Variants in NTF3 observed in about 807,000 individuals in gnomAD.
The protein encoded by NTF3 is neurotrophin 3, also known as neurotrophin-3.
A neutral mutation model predicts 26.3 loss-of-function variants in NTF3; 8 were observed. That is an observed-to-expected ratio of 0.30 (90% CI 0.18 to 0.55). The LOEUF is 0.55. NTF3 is among the 20% of genes least tolerant of loss of function. NTF3 has a pLI of 0.93. For synonymous variants in NTF3, 154 were observed against 145.5 expected, an observed-to-expected ratio of 1.06 and a Z score of -0.42; for missense variants, 276 against 352.9, an observed-to-expected ratio of 0.78 and a Z score of 1.75.
intron 1 of NTF3, among the ~76,000 whole-genome samples, chr12:5,466,635 T>C (rs1176354894): frequency 1.3e-5 from 2 of 152,320 alleles, no homozygotes; most frequent in South Asian, 4.1e-4. Context: ...TCAAATGTGG[T>C]AAAGAAATAT....
chr12:5,450,707 C>T (rs1337960667), intron 1 of NTF3, among the ~76,000 whole-genome samples: 1 of 152,214 alleles, frequency 6.6e-6, no homozygotes, highest in East Asian at 1.9e-4. Context: ...TTTATTATCT[C>T]ATTTTTGCAG....
upstream of NTF3, chr12:5,432,005 G>A (rs148590960): frequency 0.082 from 12,425 of 151,312 alleles, 715 homozygotes; most frequent in Non-Finnish European, 0.11. Context: ...CGCGGCGCGG[G>A]CCGGCGGGGG....
chr12:5,455,668 G>T (rs1018976454), intron 1 of NTF3, among the ~76,000 whole-genome samples: 3 of 151,958 alleles, frequency 2.0e-5, no homozygotes, highest in South Asian at 2.1e-4. Context: ...GAGAGACAAA[G>T]TTCTATTCCC....
At chr12:5,445,296 GTGTA>G (rs56038524) in intron 1 of NTF3, among the ~76,000 whole-genome samples, 22,332 of 63,570 alleles carry the variant, frequency 0.35, 1,881 homozygotes, top group Middle Eastern at 0.52. Context: ...TGATGTGTGT[GTGTA>G]TGTGTGTGTG....
chr12:5,480,750 C>T (rs1412195565), intron 1 of NTF3, among the ~76,000 whole-genome samples: 1 of 128,112 alleles, frequency 7.8e-6, no homozygotes, highest in Non-Finnish European at 1.6e-5. Flanking sequence ...GAGTGACCGA[C>T]ATATGGAACG....
At position 5,480,336 on chromosome 12, in the gene NTF3, G is replaced by C. The variant is rs570873327; in HGVS notation, c.19-13858G>C. 1.5e-4 allele frequency among the ~76,000 whole-genome samples: 23 copies of C among 152,314 alleles called. 1 individual carries two copies. In the South Asian group the frequency reaches 4.6e-3, roughly 30 times the overall value. ...CCCACCGGCCTTTATTTACCACAGTGGGTAGCCTCGGGAGGAGGGGGAGCT... is the reference window on the plus strand; with the variant it reads ...CCCACCGGCCTTTATTTACCACAGTCGGTAGCCTCGGGAGGAGGGGGAGCT... On this transcript the variant is annotated intron_variant, in intron 1 of 1. Coordinates refer to ENST00000423158, the MANE Select transcript of NTF3 (RefSeq NM_001102654.2).
At chr12:5,452,102 T>C (rs1456165419) in intron 1 of NTF3, among the ~76,000 whole-genome samples, 8 of 150,324 alleles carry the variant, frequency 5.3e-5, no homozygotes, top group Non-Finnish European at 8.9e-5. Context: ...TTTTCTTTTT[T>C]TTTTTTTTTT....
intron 1 of NTF3, among the ~76,000 whole-genome samples, chr12:5,467,266 CG>C (rs1467507080): frequency 1.2e-5 from 1 of 84,606 alleles, no homozygotes; most frequent in African/African-American, 4.9e-5. Flanking sequence ...AAAAAAAAGT[CG>C]GGGGCTTGCC....
At chr12:5,483,459 A>G (rs1413661570) in intron 1 of NTF3, among the ~76,000 whole-genome samples, 1 of 152,158 alleles carries the variant, frequency 6.6e-6, no homozygotes, top group African/African-American at 2.4e-5. Flanking sequence ...CAGGTACTGA[A>G]TGAGGCCCTT....
At chr12:5,472,309 G>A (rs1366567738) in intron 1 of NTF3, among the ~76,000 whole-genome samples, 1 of 152,150 alleles carries the variant, frequency 6.6e-6, no homozygotes, top group Admixed American at 6.5e-5. Flanking sequence ...AGAAATCATA[G>A]AATGGCAGGC....
In NTF3 at chr12:5,435,611, C is replaced by G. The variant is rs115224322; in HGVS notation, c.18+3269C>G. ...GTGGGCTGGGAATTGGAGGGTGCTGCACTTCAGGTCAGAATGCAGGTCCAG... is the reference window on the plus strand; with the variant it reads ...GTGGGCTGGGAATTGGAGGGTGCTGGACTTCAGGTCAGAATGCAGGTCCAG... On this transcript the variant is annotated intron_variant, in intron 1 of 1. Coordinates refer to ENST00000423158, the MANE Select transcript of NTF3 (RefSeq NM_001102654.2). Among the ~76,000 whole-genome samples, 374 of 152,222 alleles carry G rather than the reference C, an allele frequency of 2.5e-3. 2 individuals are homozygous for G. Among genetic ancestry groups the G allele is most frequent in the African/African-American group, 8.6e-3 (356 of 41,538 alleles).
intron 1 of NTF3, among the ~76,000 whole-genome samples, chr12:5,471,764 C>T (rs986143544): frequency 6.6e-6 from 1 of 152,008 alleles, no homozygotes; most frequent in Non-Finnish European, 1.5e-5. Flanking sequence ...GGACAGATCT[C>T]CTCGTGCATA....
chr12:5,461,945 G>A (rs1273278658), intron 1 of NTF3, among the ~76,000 whole-genome samples: 1 of 152,208 alleles, frequency 6.6e-6, no homozygotes, highest in Non-Finnish European at 1.5e-5. Flanking sequence ...AATGTCCAAG[G>A]GTTATGTGTA....
chr12:5,449,946 GTT>G (rs1230240218), intron 1 of NTF3, among the ~76,000 whole-genome samples: 1 of 152,196 alleles, frequency 6.6e-6, no homozygotes, highest in Non-Finnish European at 1.5e-5. Flanking sequence ...CTTCTGGGAA[GTT>G]TTTTCTTCTG....
At chr12:5,477,070 A>T (rs1940734135) in intron 1 of NTF3, among the ~76,000 whole-genome samples, 1 of 152,240 alleles carries the variant, frequency 6.6e-6, no homozygotes, top group Admixed American at 6.5e-5. Flanking sequence ...AAAAATAAAC[A>T]TGAAAAAGGG....
upstream of NTF3, among the ~76,000 whole-genome samples, chr12:5,430,842 T>C (rs1449351363): frequency 2.0e-5 from 3 of 151,060 alleles, no homozygotes; most frequent in Non-Finnish European, 4.4e-5. Context: ...TGGCAGGAGA[T>C]GATGTGAGGA....
At chr12:5,432,464 G>A in intron 1 of NTF3, 122 bp downstream of exon 1, 1 of 1,121,234 alleles carries the variant, frequency 8.9e-7, no homozygotes, top group Non-Finnish European at 1.3e-6. Flanking sequence ...CACCCCCATC[G>A]CGCCGCGCTC....
chr12:5,448,405 G>C (rs1411251322), intron 1 of NTF3, among the ~76,000 whole-genome samples: 1 of 152,088 alleles, frequency 6.6e-6, no homozygotes, highest in Non-Finnish European at 1.5e-5. Context: ...CTTATTGCCA[G>C]TTTGTCTTCT....
At chr12:5,435,208 G>C (rs1940151753) in intron 1 of NTF3, among the ~76,000 whole-genome samples, 1 of 152,178 alleles carries the variant, frequency 6.6e-6, no homozygotes. Flanking sequence ...GTTTTGTAAT[G>C]GGTTTCTTAT....
Sources: gnomAD v4.1 joint callset for allele counts (sites outside exome capture counted in the v4.1 genomes callset) on GRCh38, gnomAD v4.1.1 for gene constraint, MANE v1.5 for transcripts, NCBI Gene and HGNC (gene_info 2026-07-23, HGNC 2026-07-21) for gene names.